SHQ1: variants seen among roughly 807,000 people sequenced by gnomAD.
SHQ1 encodes SHQ1, H/ACA ribonucleoprotein assembly factor, also known as protein SHQ1 homolog.
A neutral mutation model predicts 53.8 loss-of-function variants in SHQ1; 49 were observed. That is an observed-to-expected ratio of 0.91 (90% CI 0.72 to 1.16). The LOEUF is 1.16. Ranked by LOEUF, SHQ1 falls within the 50% of genes most tolerant of loss-of-function variation. SHQ1 has a pLI of 0.00. For missense variants in SHQ1, 738 were observed against 683.1 expected, an observed-to-expected ratio of 1.08 and a Z score of -0.90; for synonymous variants, 243 against 251.0, an observed-to-expected ratio of 0.97 and a Z score of 0.30.
chr3:72,735,710 G>GGAAGGAAGGA, the SHQ1 span, among the ~76,000 whole-genome samples: 1 of 102,678 alleles, frequency 9.7e-6, no homozygotes, highest in African/African-American at 3.7e-5. Flanking sequence ...GAGAGAGAGA[G>GGAAGGAAGGA]AGGAAGGAAG....
intron 9 of SHQ1, among the ~76,000 whole-genome samples, chr3:72,796,734 C>A (rs1296723537): frequency 6.6e-6 from 1 of 151,862 alleles, no homozygotes; most frequent in African/African-American, 2.4e-5. Flanking sequence ...GCAGGAGAAT[C>A]GCTTGAACCC....
rs550744959 is a variant in SHQ1 at position 72,788,146 on chromosome 3, A to G, written c.1181+4770T>C. On this transcript the variant is annotated intron_variant, in intron 10 of 10. Coordinates refer to ENST00000325599, the MANE Select transcript of SHQ1 (RefSeq NM_018130.3). ...CTGCCCGGCCGCCACCCCGTCTAGT[A>G]AGTGAGGAGCGTCTCTGCCTGGCCG... Among the ~76,000 whole-genome samples the G allele has an allele frequency of 2.6e-5, 4 of 152,010 alleles. No individual in the cohort carries two copies. In the South Asian group the frequency reaches 8.3e-4, roughly 32 times the overall value.
At chr3:72,811,358 T>C (rs1707117394) in intron 9 of SHQ1, among the ~76,000 whole-genome samples, 1 of 152,198 alleles carries the variant, frequency 6.6e-6, no homozygotes, top group South Asian at 2.1e-4. Context: ...GACGTGTAAC[T>C]GAGGCTCACA....
intron 9 of SHQ1, among the ~76,000 whole-genome samples, chr3:72,806,169 G>A (rs193150758): frequency 1.6e-4 from 25 of 152,168 alleles, no homozygotes; most frequent in African/African-American, 5.8e-4. Flanking sequence ...TGTACTCCAA[G>A]GAAGAGACAA....
intron 10 of SHQ1, among the ~76,000 whole-genome samples, chr3:72,765,530 C>CATACATATATATATATATATATATAT (rs1705702242): frequency 1.2e-5 from 1 of 83,538 alleles, no homozygotes; most frequent in African/African-American, 6.2e-5. Context: ...ATTCACATGA[C>CATACATATATATATATATATATATAT]ATATATATAT....
chr3:72,757,493 A>G (rs1435229773), intron 10 of SHQ1, among the ~76,000 whole-genome samples: 1 of 151,660 alleles, frequency 6.6e-6, no homozygotes, highest in East Asian at 1.9e-4. Context: ...TGGCCTCAGC[A>G]GCCCTCCTGC....
At chr3:72,732,337 G>A in the SHQ1 span, among the ~76,000 whole-genome samples, 1 of 147,072 alleles carries the variant, frequency 6.8e-6, no homozygotes, top group Admixed American at 6.8e-5. Context: ...AGTCATGCAA[G>A]CCAGTAAAAT....
chr3:72,840,286 G>A (rs1459933431), intron 4 of SHQ1, among the ~76,000 whole-genome samples: 1 of 149,750 alleles, frequency 6.7e-6, no homozygotes, highest in Non-Finnish European at 1.5e-5. Context: ...ACAATAGGCT[G>A]GTCACAGTGG....
intron 10 of SHQ1, among the ~76,000 whole-genome samples, chr3:72,755,164 G>A (rs1012445150): frequency 2.6e-5 from 4 of 152,064 alleles, no homozygotes; most frequent in Admixed American, 2.0e-4. Flanking sequence ...CAGCTGATGC[G>A]AACTTTTATC....
intron 9 of SHQ1, among the ~76,000 whole-genome samples, chr3:72,804,958 T>C (rs1468123664): frequency 6.6e-6 from 1 of 152,222 alleles, no homozygotes; most frequent in Non-Finnish European, 1.5e-5. Context: ...GGTAATTCTG[T>C]CATGTGAACG....
At chr3:72,827,726 A>G (rs1475931115) in intron 5 of SHQ1, among the ~76,000 whole-genome samples, 1 of 145,598 alleles carries the variant, frequency 6.9e-6, no homozygotes, top group Non-Finnish European at 1.5e-5. Flanking sequence ...CTGTTTTTTC[A>G]TCTGAGATCT....
At position 72,793,290 on chromosome 3, in the gene SHQ1, G is replaced by A. The variant is rs548187466; in HGVS notation, c.1061-254C>T. 27 of 278,414 alleles carry A rather than the reference G, an allele frequency of 9.7e-5. No homozygotes were observed. The East Asian group carries it at 2.6e-3, about 27-fold the overall frequency. 17.2% of individuals were successfully genotyped at this position (278,414 alleles called of 1,614,324 possible). On this transcript the variant is annotated intron_variant, in intron 9 of 10. Transcript: ENST00000325599. ...TGGGAGGCCGAGGCGGGCAGATCAC[G>A]AGGTCAGGAGATCGAGACCATCCTG...
In SHQ1 at chr3:72,817,303, TGAC is replaced by T; in HGVS notation, c.806_808del (p.Arg269del). On this transcript the variant is annotated inframe_deletion, in exon 7 of 11. Coordinates refer to ENST00000325599, the MANE Select transcript of SHQ1 (RefSeq NM_018130.3). ...GATATCAATCAAACTGTAGCACACT[TGAC>T]GACAGGCTCTCTTGTCCAGCAGATA... 6.2e-7 allele frequency: 1 copy of T among 1,614,000 alleles called. No individual in the cohort carries two copies. The highest frequency in any genetic ancestry group is 8.5e-7 in the Non-Finnish European group (1 of 1,179,870).
In SHQ1 at chr3:72,824,630, T is replaced by C; in HGVS notation, c.600-79A>G. ...TTTTAACATTTTATCTTAACTCATATTTGTACTAGAAATACAGATTTTAAT... is the reference window on the plus strand; with the variant it reads ...TTTTAACATTTTATCTTAACTCATACTTGTACTAGAAATACAGATTTTAAT... On this transcript the variant is annotated intron_variant, in intron 5 of 10. Coordinates refer to ENST00000325599, the MANE Select transcript of SHQ1 (RefSeq NM_018130.3). 5.4e-6 allele frequency: 8 copies of C among 1,469,070 alleles called. No individual in the cohort carries two copies. In the South Asian group the frequency reaches 9.1e-5, roughly 17 times the overall value. 91.0% of individuals were successfully genotyped at this position (1,469,070 alleles called of 1,614,324 possible). A position where few individuals can be genotyped will look rare whatever the true frequency, so the allele number is the denominator to read the frequency against.
intron 1 of SHQ1, among the ~76,000 whole-genome samples, chr3:72,847,379 A>C (rs1478732982): frequency 6.6e-6 from 1 of 152,204 alleles, no homozygotes; most frequent in Admixed American, 6.5e-5. Context: ...GAGATTGGCA[A>C]TACTTTAGGA....
chr3:72,823,263 A>G (rs1486503604), intron 6 of SHQ1, among the ~76,000 whole-genome samples: 2 of 152,180 alleles, frequency 1.3e-5, no homozygotes, highest in African/African-American at 4.8e-5. Context: ...GAACTCACCT[A>G]AACTTTAATA....
intron 1 of SHQ1, chr3:72,846,414 G>A (rs1165962186): frequency 9.7e-7 from 1 of 1,033,546 alleles, no homozygotes; most frequent in Non-Finnish European, 1.4e-6. Context: ...CTCACCTCAA[G>A]CTTCCCAAGT....
intron 6 of SHQ1, among the ~76,000 whole-genome samples, chr3:72,818,775 T>C (rs549129892): frequency 6.6e-6 from 1 of 152,146 alleles, no homozygotes; most frequent in East Asian, 1.9e-4. Flanking sequence ...TTTGAAGAAA[T>C]AAGATGTCAC....
chr3:72,786,360 T>C (rs1706231514), intron 10 of SHQ1, among the ~76,000 whole-genome samples: 1 of 152,154 alleles, frequency 6.6e-6, no homozygotes, highest in African/African-American at 2.4e-5. Context: ...CTTCAGATGC[T>C]CCATATTCTC....
Sources: gnomAD v4.1 joint callset for allele counts (sites outside exome capture counted in the v4.1 genomes callset) on GRCh38, gnomAD v4.1.1 for gene constraint, MANE v1.5 for transcripts, NCBI Gene and HGNC (gene_info 2026-07-23, HGNC 2026-07-21) for gene names.